The following POLN variants were observed in gnomAD, a reference collection of about 807,000 sequenced individuals.
POLN encodes the protein DNA polymerase N.
Under a neutral mutation model 113.5 loss-of-function variants are expected in POLN, and 108 were observed. The ratio of observed to expected loss-of-function variants is 0.95; its 90% CI spans 0.81 to 1.12. The LOEUF (loss-of-function observed/expected upper bound fraction) is 1.12. Ranked by LOEUF, POLN falls within the 50% of genes most tolerant of loss-of-function variation. The probability of loss-of-function intolerance (pLI) is 0.00; values close to 1 mark genes in which losing one functional copy is unlikely to be tolerated. For synonymous variants in POLN, 386 were observed against 391.5 expected, an observed-to-expected ratio of 0.99 and a Z score of 0.17; for missense variants, 1,097 against 1,077.1, an observed-to-expected ratio of 1.02 and a Z score of -0.26.
intron 5 of POLN, among the ~76,000 whole-genome samples, chr4:2,202,288 C>G (rs751493189): frequency 1.8e-4 from 28 of 152,152 alleles, no homozygotes; most frequent in Non-Finnish European, 3.5e-4. Flanking sequence ...CCATCTGCTG[C>G]CTTCAAGAGA....
At chr4:2,229,051 T>G (rs1734484205) in intron 3 of POLN, 48 bp downstream of exon 3, 1 of 1,518,854 alleles carries the variant, frequency 6.6e-7, no homozygotes, top group South Asian at 1.2e-5. Context: ...TTAGAACAAT[T>G]AACATTCAAA....
chr4:2,228,659 C>A, intron 3 of POLN: 1 of 174,100 alleles, frequency 5.7e-6, no homozygotes, highest in South Asian at 1.1e-4. Context: ...TATTATACCA[C>A]ATCATAAATC....
chr4:2,168,485 T>C (rs916040096), intron 13 of POLN, among the ~76,000 whole-genome samples: 3 of 152,260 alleles, frequency 2.0e-5, no homozygotes, highest in African/African-American at 7.2e-5. Context: ...TAATATGATT[T>C]ATGCTCATCA....
rs117602484 is a variant in POLN, at chr4:2,232,166, A to G, written c.-12-2923T>C. ...TGAAACTGCTCTGTTAACTCCTAAA[A>G]AAGGAAAATAAAAATAAAAATTAAA... On this transcript the variant is annotated intron_variant, in intron 2 of 25. Coordinates refer to ENST00000511885, the MANE Select transcript of POLN (RefSeq NM_181808.4). 1.7e-3 allele frequency: 2,206 copies of G among 1,302,740 alleles called. 19 individuals are homozygous for G. The East Asian group carries it at 0.019, about 11-fold the overall frequency. 80.7% of individuals were successfully genotyped at this position (1,302,740 alleles called of 1,614,324 possible). A position where few individuals can be genotyped will look rare whatever the true frequency, so the allele number is the denominator to read the frequency against.
chr4:2,098,109 A>G (rs1296002738), intron 19 of POLN, among the ~76,000 whole-genome samples: 2 of 152,308 alleles, frequency 1.3e-5, no homozygotes, highest in Admixed American at 6.5e-5. Context: ...CTATATTTAG[A>G]TAAGAAGCAA....
chr4:2,185,473 C>T (rs555907676), intron 7 of POLN, among the ~76,000 whole-genome samples: 2 of 152,334 alleles, frequency 1.3e-5, no homozygotes, highest in East Asian at 3.9e-4. Context: ...TGGCTGGGCG[C>T]GGTGGCCCAT....
intron 16 of POLN, among the ~76,000 whole-genome samples, chr4:2,144,983 G>A (rs1340609845): frequency 6.6e-6 from 1 of 152,172 alleles, no homozygotes; most frequent in Non-Finnish European, 1.5e-5. Context: ...TGAGAGCCTA[G>A]AAACAGACCT....
In POLN at chr4:2,198,708, A is replaced by C; in HGVS notation, c.724T>G (p.Ser242Ala). Residue 242 changes from serine (S) to alanine (A), a missense_variant, in exon 6 of 26, where the codon TCT becomes GCT. Coordinates refer to ENST00000511885, the MANE Select transcript of POLN (RefSeq NM_181808.4). ...AACACCACAATTCCTCTAACAGAAG[A>C]AACGGGGGTCTGTGGAAACACAACA... ...TQLGADQTPVSSVRGIVVLVK... is the reference protein window; with the variant it reads ...TQLGADQTPVASVRGIVVLVK... 1 of 1,606,336 alleles carries C rather than the reference A, an allele frequency of 6.2e-7. No homozygotes were observed. Among genetic ancestry groups the C allele is most frequent in the East Asian group, 2.2e-5 (1 of 44,684 alleles).
chr4:2,224,362 G>A (rs1055459854), intron 3 of POLN, among the ~76,000 whole-genome samples: 6 of 152,060 alleles, frequency 3.9e-5, no homozygotes, highest in Non-Finnish European at 8.8e-5. Flanking sequence ...GACCTGCCTG[G>A]AGCTGTTTTA....
intron 19 of POLN, among the ~76,000 whole-genome samples, chr4:2,106,750 T>G (rs1577696112): frequency 6.6e-6 from 1 of 152,312 alleles, no homozygotes; most frequent in Non-Finnish European, 1.5e-5. Context: ...TCCATTGATC[T>G]ATTCTGGTTT....
At chr4:2,156,513 A>C in intron 16 of POLN, 1 of 578,900 alleles carries the variant, frequency 1.7e-6, no homozygotes, top group Non-Finnish European at 3.2e-6. Flanking sequence ...GAAAAGGAAG[A>C]TGGGGTACGG....
chr4:2,218,073 C>G (rs992424482), intron 3 of POLN, among the ~76,000 whole-genome samples: 1 of 152,026 alleles, frequency 6.6e-6, no homozygotes, highest in South Asian at 2.1e-4. Flanking sequence ...ATCACTTTGA[C>G]CCCAAGAGTT....
In POLN at chr4:2,101,148, G is replaced by GA. The variant is rs762968112; in HGVS notation, c.1983-5216dup. Among the ~76,000 whole-genome samples the GA allele has an allele frequency of 2.8e-3, 408 of 143,648 alleles. 6 individuals are homozygous for GA. Among genetic ancestry groups the GA allele is most frequent in the Middle Eastern group, 7.0e-3 (2 of 286 alleles). 94.2% of individuals were successfully genotyped at this position (143,648 alleles called of 152,430 possible). A position where few individuals can be genotyped will look rare whatever the true frequency, so the allele number is the denominator to read the frequency against. On this transcript the variant is annotated intron_variant, in intron 19 of 25. Coordinates refer to ENST00000511885, the MANE Select transcript of POLN (RefSeq NM_181808.4). ...CCAGATTGAGTACATGCCTAAACAT[G>GA]AAAAAAAAAAATCAAAACTGAAATA... is the stretch of plus-strand genomic sequence containing the variant.
intron 19 of POLN, among the ~76,000 whole-genome samples, chr4:2,114,563 A>G (rs572092575): frequency 6.6e-6 from 1 of 152,358 alleles, no homozygotes; most frequent in South Asian, 2.1e-4. Flanking sequence ...TTATTCCATC[A>G]TCTTCTGGCC....
At chr4:2,161,075 A>C (rs1480080243) in intron 13 of POLN, among the ~76,000 whole-genome samples, 2 of 152,078 alleles carry the variant, frequency 1.3e-5, no homozygotes, top group Non-Finnish European at 1.5e-5. Flanking sequence ...CCCAGGCTCG[A>C]GTGCAGTGGT....
At chr4:2,198,501 GC>G in intron 6 of POLN, 22 bp downstream of exon 6, 1 of 1,592,146 alleles carries the variant, frequency 6.3e-7, no homozygotes, top group Non-Finnish European at 8.6e-7. Context: ...TAGGGTGTGA[GC>G]CCATGTGTGA....
At chr4:2,231,579 C>A (rs1018286170) in intron 2 of POLN, 1 of 164,064 alleles carries the variant, frequency 6.1e-6, no homozygotes, top group African/African-American at 2.4e-5. Context: ...AGCCTGGAGA[C>A]AGAGTGAGAC....
chr4:2,175,753 G>A (rs901215107), intron 9 of POLN, among the ~76,000 whole-genome samples: 4 of 152,190 alleles, frequency 2.6e-5, no homozygotes, highest in African/African-American at 7.2e-5. Context: ...CACATCACCC[G>A]GGCCACTCCT....
At chr4:2,184,089 G>A (rs1172046385) in intron 7 of POLN, among the ~76,000 whole-genome samples, 2 of 151,352 alleles carry the variant, frequency 1.3e-5, no homozygotes, top group African/African-American at 2.4e-5. Context: ...CCTGACCTCA[G>A]GTGATCCACT....
Sources: allele counts gnomAD v4.1 joint callset (sites outside exome capture counted in the v4.1 genomes callset), GRCh38; gene constraint gnomAD v4.1.1; transcripts MANE v1.5; gene names NCBI Gene and HGNC (gene_info 2026-07-23, HGNC 2026-07-21).